The following THRB variants were observed in gnomAD, a reference collection of about 807,000 sequenced individuals.
THRB encodes thyroid hormone receptor beta.
THRB carries 12 observed loss-of-function variants against 47.8 expected under a neutral mutation model. That is an observed-to-expected ratio of 0.25 (90% CI 0.16 to 0.41). The LOEUF (loss-of-function observed/expected upper bound fraction) is 0.41. Ranked by LOEUF, THRB falls within the 10% of genes least tolerant of loss-of-function variation. THRB has a pLI of 1.00. For missense variants in THRB, 348 were observed against 589.2 expected (o/e 0.59, Z 4.24); for synonymous variants, 218 against 212.2 (o/e 1.03, Z -0.24).
intron 4 of THRB, among the ~76,000 whole-genome samples, chr3:24,225,530 T>C (rs948026553): frequency 6.6e-6 from 1 of 152,194 alleles, no homozygotes; most frequent in African/African-American, 2.4e-5. Context: ...TATCCTAATA[T>C]CATACAGCCA....
intron 3 of THRB, among the ~76,000 whole-genome samples, chr3:24,261,964 C>T (rs1477264082): frequency 6.6e-6 from 1 of 152,208 alleles, no homozygotes; most frequent in African/African-American, 2.4e-5. Context: ...TCTGTACTTA[C>T]TCCCTTGGTG....
chr3:24,406,302 C>A (rs35340172), intron 1 of THRB, among the ~76,000 whole-genome samples: 56,397 of 151,376 alleles, frequency 0.37, 12,953 homozygotes, highest in South Asian at 0.48. Context: ...TCTTTTAAAA[C>A]TAATTAACCT....
chr3:24,481,502 A>G (rs1696413075), intron 1 of THRB, among the ~76,000 whole-genome samples: 1 of 152,118 alleles, frequency 6.6e-6, no homozygotes, highest in African/African-American at 2.4e-5. Context: ...AACTTGTTTA[A>G]CACACAGTCC....
At chr3:24,379,674 G>A (rs1376605818) in intron 1 of THRB, among the ~76,000 whole-genome samples, 1 of 152,056 alleles carries the variant, frequency 6.6e-6, no homozygotes, top group African/African-American at 2.4e-5. Context: ...ATAGAGCTGA[G>A]CATAGTCAAT....
rs774133777 is a variant in THRB, at chr3:24,133,472, A to C, written c.739-10T>G. On this transcript the variant is annotated splice_polypyrimidine_tract_variant and intron_variant, in intron 8 of 10. Coordinates refer to ENST00000646209, the MANE Select transcript of THRB (RefSeq NM_001354712.2). ...GTCCAATGTCTTCTGGCTAAGGAGG[A>C]GAAAAAAGAAAGATTTAAATGAAGA... 5 of 1,613,624 alleles carry C rather than the reference A, an allele frequency of 3.1e-6. No individual in the cohort carries two copies. The highest frequency in any genetic ancestry group is 4.2e-6 in the Non-Finnish European group (5 of 1,179,656).
At chr3:24,399,068 G>C (rs2067199519) in intron 1 of THRB, among the ~76,000 whole-genome samples, 1 of 151,854 alleles carries the variant, frequency 6.6e-6, no homozygotes, top group African/African-American at 2.4e-5. Context: ...TCACACACCG[G>C]GGCCTGTTGT....
chr3:24,321,341 T>C (rs774589743), intron 2 of THRB, among the ~76,000 whole-genome samples: 1 of 152,180 alleles, frequency 6.6e-6, no homozygotes, highest in Non-Finnish European at 1.5e-5. Context: ...CGAAGAGTGA[T>C]ATGAAAGATA....
At chr3:24,324,309 A>G (rs993472241) in intron 2 of THRB, among the ~76,000 whole-genome samples, 1 of 149,548 alleles carries the variant, frequency 6.7e-6, no homozygotes, top group African/African-American at 2.5e-5. Context: ...CATTCATTCT[A>G]TCTTTCTCCT....
intron 1 of THRB, among the ~76,000 whole-genome samples, chr3:24,456,654 T>C (rs1242372021): frequency 2.0e-5 from 3 of 150,810 alleles, no homozygotes; most frequent in Admixed American, 6.6e-5. Context: ...TAAATTAAAA[T>C]ATAAAGATAA....
chr3:24,141,737 G>T (rs59417168), intron 8 of THRB, among the ~76,000 whole-genome samples: 2 of 151,992 alleles, frequency 1.3e-5, no homozygotes, highest in African/African-American at 4.8e-5. Flanking sequence ...TAAAATTCCC[G>T]GGAGAAGTCC....
At chr3:24,430,053 T>C (rs1016069070) in intron 1 of THRB, 3 of 152,062 alleles carry the variant, frequency 2.0e-5, no homozygotes, top group Non-Finnish European at 4.4e-5. Context: ...ATCCTGGTGA[T>C]GATGAGGACT....
At chr3:24,126,365 A>ACTGG (rs2032804334) in intron 10 of THRB, among the ~76,000 whole-genome samples, 1 of 152,038 alleles carries the variant, frequency 6.6e-6, no homozygotes, top group Non-Finnish European at 1.5e-5. Flanking sequence ...TGGGCAACAG[A>ACTGG]GCAAGACCGT....
intron 3 of THRB, among the ~76,000 whole-genome samples, chr3:24,267,078 A>G (rs907761571): frequency 6.6e-6 from 1 of 152,152 alleles, no homozygotes; most frequent in African/African-American, 2.4e-5. Flanking sequence ...GAACAGAATA[A>G]GATGAAAAGG....
chr3:24,234,078 G>A (rs1365006786), intron 3 of THRB, among the ~76,000 whole-genome samples: 1 of 152,184 alleles, frequency 6.6e-6, no homozygotes, highest in Non-Finnish European at 1.5e-5. Context: ...AAATCCTGCT[G>A]CATGTCCCTC....
intron 5 of THRB, among the ~76,000 whole-genome samples, chr3:24,189,271 C>A (rs1236490517): frequency 6.6e-6 from 1 of 151,698 alleles, no homozygotes; most frequent in East Asian, 1.9e-4. Flanking sequence ...CTAAATAGAC[C>A]CCCCCTTTTC....
At chr3:24,279,729 C>T (rs1432722649) in intron 3 of THRB, among the ~76,000 whole-genome samples, 1 of 152,048 alleles carries the variant, frequency 6.6e-6, no homozygotes, top group Non-Finnish European at 1.5e-5. Context: ...TTTTAGATCA[C>T]TTCAAAACTC....
chr3:24,264,454 TTA>T (rs1470105218), intron 3 of THRB, among the ~76,000 whole-genome samples: 1 of 152,162 alleles, frequency 6.6e-6, no homozygotes, highest in East Asian at 1.9e-4. Context: ...GGAATCAGCT[TTA>T]CCCTGACACT....
At chr3:24,321,865 A>G (rs551405170) in intron 2 of THRB, among the ~76,000 whole-genome samples, 1 of 152,328 alleles carries the variant, frequency 6.6e-6, no homozygotes, top group East Asian at 1.9e-4. Context: ...TGAAAAATAG[A>G]ATGTAGAATA....
Position 24,146,735 on chromosome 3 carries a change from G to A in THRB, c.472C>T (p.Arg158Ter). The A allele has an allele frequency of 1.9e-6, 3 of 1,614,072 alleles. No individual in the cohort carries two copies. Among genetic ancestry groups the A allele is most frequent in the Non-Finnish European group, 2.5e-6 (3 of 1,179,948 alleles). Reference sequence around the variant, plus strand: ...AAGCGACATTCCTGGCACTGATTTCGCGTGACTTTGTCTATGACACATTTT... The same window carrying A: ...AAGCGACATTCCTGGCACTGATTTCACGTGACTTTGTCTATGACACATTTT... Reference protein sequence around the residue: ...EGKCVIDKVTRNQCQECRFKK... With the variant: ...EGKCVIDKVT The change falls in exon 7 of 11, where the codon CGA becomes TGA. Residue 158 changes from arginine to a stop codon, truncating the protein, a stop_gained. Coordinates refer to ENST00000646209, the MANE Select transcript of THRB (RefSeq NM_001354712.2). LOFTEE classifies it high-confidence loss of function.
Sources: allele counts gnomAD v4.1 joint callset (sites outside exome capture counted in the v4.1 genomes callset), GRCh38; gene constraint gnomAD v4.1.1; transcripts MANE v1.5; gene names NCBI Gene and HGNC (gene_info 2026-07-23, HGNC 2026-07-21).